Variants in CNTNAP2 observed in about 807,000 individuals in gnomAD.
CNTNAP2 encodes the protein contactin associated protein 2.
A neutral mutation model predicts 155.2 loss-of-function variants in CNTNAP2; 98 were observed. The ratio of observed to expected loss-of-function variants is 0.63; its 90% CI spans 0.54 to 0.75. CNTNAP2 has a LOEUF of 0.75. Ranked by LOEUF, CNTNAP2 falls within the 30% of genes least tolerant of loss-of-function variation. The probability of loss-of-function intolerance (pLI) is 0.00; values close to 1 mark genes in which losing one functional copy is unlikely to be tolerated. For synonymous variants in CNTNAP2, 651 were observed against 631.2 expected (o/e 1.03, Z -0.47); for missense variants, 1,727 against 1,688.1 (o/e 1.02, Z -0.40).
At chr7:146,750,497 G>GT (rs1335233836) in intron 1 of CNTNAP2, among the ~76,000 whole-genome samples, 30 of 152,316 alleles carry the variant, frequency 2.0e-4, no homozygotes, top group Non-Finnish European at 5.9e-5. Context: ...AGCCCTTGCT[G>GT]TTGGATGTGG....
intron 23 of CNTNAP2, among the ~76,000 whole-genome samples, chr7:148,413,794 G>T (rs908443214): frequency 6.6e-6 from 1 of 151,328 alleles, no homozygotes; most frequent in African/African-American, 2.4e-5. Context: ...TCTTCCTGAT[G>T]AATTCACCCT....
intron 1 of CNTNAP2, among the ~76,000 whole-genome samples, chr7:146,476,489 G>C (rs1479571362): frequency 6.6e-6 from 1 of 151,852 alleles, no homozygotes; most frequent in East Asian, 1.9e-4. Context: ...TTTCTTTTTT[G>C]TGTGACTGTA....
chr7:147,797,989 G>A (rs779370874), intron 13 of CNTNAP2, among the ~76,000 whole-genome samples: 8 of 151,796 alleles, frequency 5.3e-5, no homozygotes, highest in East Asian at 3.9e-4. Flanking sequence ...TTTTATATTC[G>A]TGTCTCTATC....
chr7:147,933,131 T>A lies in CNTNAP2; in HGVS notation c.2255+29410T>A, dbSNP rs188160207. Among the ~76,000 whole-genome samples, 154 of 152,096 alleles carry A rather than the reference T, an allele frequency of 1.0e-3. 1 individual carries two copies. The highest frequency in any genetic ancestry group is 3.5e-3 in the African/African-American group (144 of 41,466). On this transcript the variant is annotated intron_variant, in intron 14 of 23. Transcript: ENST00000361727. ...ATCTTGCTCTGTCTCCCAGGCTGGA[T>A]GGCTATTGTTTTAAAAAAAAAAGTT...
chr7:146,615,200 C>T (rs938405395), intron 1 of CNTNAP2, among the ~76,000 whole-genome samples: 11 of 152,040 alleles, frequency 7.2e-5, no homozygotes, highest in African/African-American at 2.4e-4. Flanking sequence ...GGACCCTGAG[C>T]CTGAAAAAAA....
At chr7:146,721,391 C>CTATATATATTCTA (rs1229042586) in intron 1 of CNTNAP2, among the ~76,000 whole-genome samples, 4 of 118,746 alleles carry the variant, frequency 3.4e-5, no homozygotes, top group African/African-American at 7.4e-5. Context: ...TATATACATT[C>CTATATATATTCTA]TATATACATT....
At chr7:147,739,338 TC>T (rs1330972417) in intron 13 of CNTNAP2, among the ~76,000 whole-genome samples, 2 of 152,084 alleles carry the variant, frequency 1.3e-5, no homozygotes, top group Non-Finnish European at 2.9e-5. Flanking sequence ...ACTATTTTTC[TC>T]CCCCTTAAAG....
chr7:146,473,748 A>G lies in CNTNAP2; in HGVS notation c.98-300523A>G, dbSNP rs869244365. ...ATTTATCTCCGAATACCTATTTTGT[A>G]TGTTTTTCCCCCCATTTTTCTATTC... is the stretch of plus-strand genomic sequence containing the variant. On this transcript the variant is annotated intron_variant, in intron 1 of 23. Transcript: ENST00000361727. Among the ~76,000 whole-genome samples, 3 of 152,248 alleles carry G rather than the reference A, an allele frequency of 2.0e-5. No individual in the cohort carries two copies. In the East Asian group the frequency reaches 5.8e-4, roughly 29 times the overall value.
At chr7:146,158,948 C>A (rs533743583) in intron 1 of CNTNAP2, among the ~76,000 whole-genome samples, 1 of 152,012 alleles carries the variant, frequency 6.6e-6, no homozygotes, top group Non-Finnish European at 1.5e-5. Flanking sequence ...GTCAGATTCA[C>A]CAAAGTTGAA....
intron 8 of CNTNAP2, among the ~76,000 whole-genome samples, chr7:147,189,748 T>TTA (rs71753507): frequency 6.6e-6 from 1 of 151,526 alleles, no homozygotes; most frequent in Non-Finnish European, 1.5e-5. Flanking sequence ...ACCACTTTTT[T>TTA]TTGTTGTTGT....
chr7:146,727,788 C>T (rs1229052015), intron 1 of CNTNAP2, among the ~76,000 whole-genome samples: 3 of 152,084 alleles, frequency 2.0e-5, no homozygotes, highest in Non-Finnish European at 4.4e-5. Flanking sequence ...CGATTTTATT[C>T]GCTCTGTAAA....
At chr7:147,955,251 T>A (rs944049260) in intron 14 of CNTNAP2, among the ~76,000 whole-genome samples, 1 of 152,220 alleles carries the variant, frequency 6.6e-6, no homozygotes, top group Non-Finnish European at 1.5e-5. Context: ...GAGTTTTACA[T>A]ATCAGAATTT....
At chr7:146,516,648 T>C (rs1022563969) in intron 1 of CNTNAP2, among the ~76,000 whole-genome samples, 1 of 151,944 alleles carries the variant, frequency 6.6e-6, no homozygotes, top group African/African-American at 2.4e-5. Flanking sequence ...CTCTTGACTC[T>C]GCAACTAACC....
chr7:146,135,002 G>T (rs1012924086), intron 1 of CNTNAP2, among the ~76,000 whole-genome samples: 2 of 151,864 alleles, frequency 1.3e-5, no homozygotes, highest in Non-Finnish European at 2.9e-5. Flanking sequence ...GTTCCTCCTT[G>T]TACCTCTGGT....
At chr7:146,605,034 C>T (rs1168041876) in intron 1 of CNTNAP2, among the ~76,000 whole-genome samples, 3 of 143,326 alleles carry the variant, frequency 2.1e-5, no homozygotes, top group African/African-American at 7.7e-5. Flanking sequence ...TGTAACTAAC[C>T]TGCACAATGT....
chr7:147,856,443 A>G (rs17170701), intron 13 of CNTNAP2, among the ~76,000 whole-genome samples: 1,668 of 152,300 alleles, frequency 0.011, 92 homozygotes, highest in Admixed American at 0.089. Context: ...GGACGGGGAA[A>G]TGCCGAAACA....
At chr7:146,741,407 A>T (rs1196825784) in intron 1 of CNTNAP2, among the ~76,000 whole-genome samples, 1 of 152,162 alleles carries the variant, frequency 6.6e-6, no homozygotes, top group Non-Finnish European at 1.5e-5. Flanking sequence ...GGAGAATTGC[A>T]AAGATGGGTG....
chr7:146,775,521 T>A, intron 2 of CNTNAP2, among the ~76,000 whole-genome samples: 1 of 123,012 alleles, frequency 8.1e-6, no homozygotes, highest in Admixed American at 9.1e-5. Context: ...AATAAAAAAA[T>A]GAAAGGGAAT....
intron 13 of CNTNAP2, among the ~76,000 whole-genome samples, chr7:147,804,183 G>T (rs370234902): frequency 6.6e-6 from 1 of 152,136 alleles, no homozygotes; most frequent in African/African-American, 2.4e-5. Flanking sequence ...TCTATAAAGG[G>T]ATCTACTACT....
Sources: gnomAD v4.1 joint callset for allele counts (sites outside exome capture counted in the v4.1 genomes callset) on GRCh38, gnomAD v4.1.1 for gene constraint, MANE v1.5 for transcripts, NCBI Gene and HGNC (gene_info 2026-07-23, HGNC 2026-07-21) for gene names.